PAK5: variants seen among roughly 807,000 people sequenced by gnomAD.
PAK5 encodes the protein serine/threonine-protein kinase PAK 5.
PAK5 carries 16 observed loss-of-function variants against 65.9 expected under a neutral mutation model. The ratio of observed to expected loss-of-function variants is 0.24; its 90% CI spans 0.16 to 0.37. The LOEUF is 0.37. Among genes scored for constraint, PAK5 ranks in the 10% least tolerant of loss-of-function variants. PAK5 has a pLI of 1.00. For missense variants in PAK5, 785 were observed against 903.9 expected (o/e 0.87, Z 1.69); for synonymous variants, 371 against 354.9 (o/e 1.05, Z -0.51).
At chr20:9,706,670 T>G (rs2048012039) in intron 2 of PAK5, among the ~76,000 whole-genome samples, 1 of 151,004 alleles carries the variant, frequency 6.6e-6, no homozygotes, top group Admixed American at 6.6e-5. Flanking sequence ...TTTTTTTTTT[T>G]GCTGTTGTTG....
rs536560960 is a variant in PAK5, at chr20:9,542,598, C to T, written c.1992G>A (p.Lys664=). 1.2e-6 allele frequency: 2 copies of T among 1,613,638 alleles called. No homozygotes were observed. Among genetic ancestry groups the T allele is most frequent in the African/African-American group, 1.3e-5 (1 of 74,826 alleles). Reference sequence around the variant, plus strand: ...TGCTGTTTCTCACCTTGTGTAGGTCCTTCACTCTTGGAGGTAAACTGTCCC... The same window carrying T: ...TGCTGTTTCTCACCTTGTGTAGGTCTTTCACTCTTGGAGGTAAACTGTCCC... The part of the protein sequence containing the change: ...RIRDSLPPRV[K]DLHKVSSVLR... The change falls in exon 9 of 10, where the codon AAG becomes AAA. Residue 664 remains lysine (K), a synonymous_variant. Coordinates refer to ENST00000353224, the MANE Select transcript of PAK5 (RefSeq NM_177990.4).
At chr20:9,586,748 A>C (rs1372920689) in intron 3 of PAK5, among the ~76,000 whole-genome samples, 1 of 152,176 alleles carries the variant, frequency 6.6e-6, no homozygotes, top group Non-Finnish European at 1.5e-5. Flanking sequence ...CATGTGAATT[A>C]ATGTGTGGCC....
chr20:9,622,360 C>T lies in PAK5; in HGVS notation c.204+21765G>A, dbSNP rs572180683. On this transcript the variant is annotated intron_variant, in intron 3 of 9. Transcript: ENST00000353224. ...CAAAAATTCAATTCTGAGTCATCCT[C>T]AACATATTTCCAGAGCTCCATATCT... Among the ~76,000 whole-genome samples, 12 of 152,294 alleles carry T rather than the reference C, an allele frequency of 7.9e-5. No individual in the cohort carries two copies. In the South Asian group the frequency reaches 2.5e-3, roughly 32 times the overall value.
chr20:9,628,426 G>A (rs552393752), intron 3 of PAK5, among the ~76,000 whole-genome samples: 19 of 152,286 alleles, frequency 1.2e-4, no homozygotes, highest in Admixed American at 3.9e-4. Context: ...CATTAGGTAT[G>A]AATATAAGAC....
chr20:9,714,107 A>T (rs896502572), intron 1 of PAK5, among the ~76,000 whole-genome samples: 1 of 152,148 alleles, frequency 6.6e-6, no homozygotes, highest in Admixed American at 6.6e-5. Context: ...GTATCAAAAC[A>T]TCACATGTAT....
intron 2 of PAK5, among the ~76,000 whole-genome samples, chr20:9,655,370 A>G (rs927221641): frequency 3.3e-5 from 5 of 151,854 alleles, no homozygotes; most frequent in African/African-American, 4.8e-5. Flanking sequence ...TTTTTTATAC[A>G]TAAACATAAG....
intron 1 of PAK5, among the ~76,000 whole-genome samples, chr20:9,747,063 G>T (rs531193173): frequency 2.6e-5 from 4 of 152,068 alleles, no homozygotes; most frequent in Admixed American, 1.3e-4. Flanking sequence ...ACACCTCTAC[G>T]CAAAAAAACT....
At chr20:9,772,393 A>G (rs1156654188) in intron 1 of PAK5, among the ~76,000 whole-genome samples, 3 of 152,232 alleles carry the variant, frequency 2.0e-5, no homozygotes. Context: ...GTCAAATCCA[A>G]GAAAGAGGGT....
intron 1 of PAK5, among the ~76,000 whole-genome samples, chr20:9,771,731 A>C (rs1305969463): frequency 6.6e-6 from 1 of 152,022 alleles, no homozygotes; most frequent in East Asian, 1.9e-4. Context: ...TAATGAATTC[A>C]AATATTTTTA....
Position 9,766,432 on chromosome 20 carries a change from AG to A in PAK5, c.-161-54998del, listed in dbSNP as rs1262328661. 1.9e-3 allele frequency among the ~76,000 whole-genome samples: 101 copies of A among 51,800 alleles called. 1 individual carries two copies. The highest frequency in any genetic ancestry group is 5.6e-3 in the African/African-American group (43 of 7,630). 34.0% of individuals were successfully genotyped at this position (51,800 alleles called of 152,430 possible). ...GAATATATATGTATATATATATTCA[AG>A]CAGAATATATATGTATATATATATT... On this transcript the variant is annotated intron_variant, in intron 1 of 9. Transcript: ENST00000353224.
At chr20:9,744,694 T>C (rs531470730) in intron 1 of PAK5, among the ~76,000 whole-genome samples, 2 of 152,314 alleles carry the variant, frequency 1.3e-5, no homozygotes, top group Non-Finnish European at 2.9e-5. Context: ...AACCACCAGC[T>C]TGAATGATGT....
rs2047103764 is a variant in PAK5, at chr20:9,644,202, A to G, written c.127T>C (p.Leu43=). ...TTTGGCCTGTTGGCCGTATCTGCTA[A>G]CAGGCTGTGCCACTGCTGGGGAAGG... The part of the protein sequence containing the change: ...TGLPQQWHSL[L]ADTANRPKPM... Residue 43 remains leucine (L), a synonymous_variant, in exon 3 of 10, where the codon TTA becomes CTA. Coordinates refer to ENST00000353224, the MANE Select transcript of PAK5 (RefSeq NM_177990.4). 1 of 1,611,278 alleles carries G rather than the reference A, an allele frequency of 6.2e-7. No individual in the cohort carries two copies. The highest frequency in any genetic ancestry group is 2.2e-5 in the East Asian group (1 of 44,838).
chr20:9,650,608 G>T (rs1252993805), intron 2 of PAK5, among the ~76,000 whole-genome samples: 1 of 152,138 alleles, frequency 6.6e-6, no homozygotes, highest in South Asian at 2.1e-4. Flanking sequence ...GGCTAGATGT[G>T]ACATCTTCCT....
chr20:9,785,109 A>G (rs1316449152), intron 1 of PAK5, among the ~76,000 whole-genome samples: 9 of 152,088 alleles, frequency 5.9e-5, no homozygotes, highest in Non-Finnish European at 1.5e-5. Context: ...ACTTTAATCA[A>G]ATATCATAAC....
chr20:9,818,046 A>G (rs1447674093), intron 1 of PAK5, among the ~76,000 whole-genome samples: 1 of 152,224 alleles, frequency 6.6e-6, no homozygotes, highest in African/African-American at 2.4e-5. Context: ...AAGAAACACA[A>G]AAGAAGAAAT....
chr20:9,638,851 G>A (rs907096009), intron 3 of PAK5, among the ~76,000 whole-genome samples: 3 of 152,076 alleles, frequency 2.0e-5, no homozygotes, highest in Non-Finnish European at 2.9e-5. Flanking sequence ...AACTAGCTTG[G>A]CAAAGCTTGC....
intron 2 of PAK5, among the ~76,000 whole-genome samples, chr20:9,659,266 G>C (rs2047311601): frequency 6.6e-6 from 1 of 152,112 alleles, no homozygotes; most frequent in African/African-American, 2.4e-5. Context: ...TATAAAAACT[G>C]ATGCATAGGA....
intron 1 of PAK5, among the ~76,000 whole-genome samples, chr20:9,773,642 G>C (rs913482053): frequency 9.2e-5 from 14 of 152,198 alleles, no homozygotes; most frequent in Non-Finnish European, 7.3e-5. Flanking sequence ...CAGGACAAGT[G>C]GGGGCAGAGA....
rs140801818 is a variant in PAK5 at position 9,614,177 on chromosome 20, C to T, written c.204+29948G>A. Reference sequence around the variant, plus strand: ...TCTAAGAAAGAATAAAAGAGAAATGCGAGAGATCAAAAACACTAACAAATG... The same window carrying T: ...TCTAAGAAAGAATAAAAGAGAAATGTGAGAGATCAAAAACACTAACAAATG... On this transcript the variant is annotated intron_variant, in intron 3 of 9. Coordinates refer to ENST00000353224, the MANE Select transcript of PAK5 (RefSeq NM_177990.4). Among the ~76,000 whole-genome samples the T allele has an allele frequency of 3.0e-4, 45 of 152,162 alleles. 1 individual carries two copies. Among genetic ancestry groups the T allele is most frequent in the Admixed American group, 1.4e-3 (22 of 15,284 alleles).
Sources: gnomAD v4.1 joint callset for allele counts (sites outside exome capture counted in the v4.1 genomes callset) on GRCh38, gnomAD v4.1.1 for gene constraint, MANE v1.5 for transcripts, NCBI Gene and HGNC (gene_info 2026-07-23, HGNC 2026-07-21) for gene names.